Variants in QRFPR observed in about 807,000 individuals in gnomAD.
QRFPR encodes the protein pyroglutamylated RF-amide peptide receptor.
Under a neutral mutation model 31.3 loss-of-function variants are expected in QRFPR, and 37 were observed. That is an observed-to-expected ratio of 1.18 (90% CI 0.91 to 1.56). QRFPR has a LOEUF of 1.56. Ranked by LOEUF, QRFPR falls within the 40% of genes most tolerant of loss-of-function variation. The pLI is 0.00. For missense variants in QRFPR, 542 were observed against 532.5 expected (o/e 1.02, Z -0.18); for synonymous variants, 197 against 192.0 (o/e 1.03, Z -0.22).
intron 1 of QRFPR, among the ~76,000 whole-genome samples, chr4:121,377,357 G>GA (rs1197050030): frequency 1.3e-5 from 2 of 151,820 alleles, no homozygotes; most frequent in African/African-American, 4.8e-5. Context: ...CCTCACCCCT[G>GA]AAGGAATTTG....
At chr4:121,347,980 G>A (rs75582295) in intron 1 of QRFPR, among the ~76,000 whole-genome samples, 17,619 of 151,956 alleles carry the variant, frequency 0.12, 1,281 homozygotes, top group Middle Eastern at 0.23. Context: ...TTTTTATATG[G>A]ATATAACTTT....
At chr4:121,349,880 A>G (rs994608141) in intron 1 of QRFPR, among the ~76,000 whole-genome samples, 1 of 152,192 alleles carries the variant, frequency 6.6e-6, no homozygotes, top group Non-Finnish European at 1.5e-5. Flanking sequence ...TTTCTCCAAT[A>G]AGGCATAGCA....
At chr4:121,336,283 T>C (rs1725435146) in intron 3 of QRFPR, among the ~76,000 whole-genome samples, 1 of 152,110 alleles carries the variant, frequency 6.6e-6, no homozygotes, top group Non-Finnish European at 1.5e-5. Context: ...GCCCCACACA[T>C]GGCTGGGCCT....
chr4:121,379,642 G>A (rs1248312796), intron 1 of QRFPR, among the ~76,000 whole-genome samples: 1 of 152,172 alleles, frequency 6.6e-6, no homozygotes. Flanking sequence ...TATACGGAAG[G>A]AGGAGAATGT....
chr4:121,349,310 G>A (rs1560738080), intron 1 of QRFPR, among the ~76,000 whole-genome samples: 1 of 151,488 alleles, frequency 6.6e-6, no homozygotes, highest in Non-Finnish European at 1.5e-5. Flanking sequence ...GTTTTAATTT[G>A]TTCCTTTAAA....
chr4:121,330,443 TG>T lies in QRFPR; in HGVS notation c.877del (p.His293IlefsTer2). ...GCACTCACTGTATTCAATCATCATA[TG>T]GACAACATGGAATGGTGCCCAGCAC... ...AVCWAPFHVV[H>X]MMIEYSNFEK... On this transcript the variant is annotated frameshift_variant, in exon 5 of 6. Transcript: ENST00000394427. LOFTEE classifies it low-confidence loss of function (END_TRUNC). 1 of 1,611,436 alleles carries T rather than the reference TG, an allele frequency of 6.2e-7. No homozygotes were observed. Among genetic ancestry groups the T allele is most frequent in the Non-Finnish European group, 8.5e-7 (1 of 1,177,652 alleles).
At chr4:121,340,335 A>C in intron 2 of QRFPR, 117 bp downstream of exon 2, 1 of 1,124,850 alleles carries the variant, frequency 8.9e-7, no homozygotes, top group South Asian at 1.4e-5. Flanking sequence ...CTCTCAAATT[A>C]TATTCCAATG....
At chr4:121,362,882 A>G (rs1726018925) in intron 1 of QRFPR, among the ~76,000 whole-genome samples, 1 of 150,414 alleles carries the variant, frequency 6.6e-6, no homozygotes, top group Admixed American at 6.6e-5. Context: ...TGAAATACCC[A>G]TTATTGTTAT....
intron 2 of QRFPR, among the ~76,000 whole-genome samples, chr4:121,338,196 C>T (rs904286001): frequency 6.6e-6 from 1 of 152,158 alleles, no homozygotes. Context: ...CTCCCTATTA[C>T]CATACACATC....
At chr4:121,337,763 C>T (rs1725462151) in intron 2 of QRFPR, among the ~76,000 whole-genome samples, 1 of 151,780 alleles carries the variant, frequency 6.6e-6, no homozygotes. Flanking sequence ...CTTCAGAAAC[C>T]AAAATGCTCT....
intron 1 of QRFPR, among the ~76,000 whole-genome samples, chr4:121,373,662 G>A (rs1726296818): frequency 6.6e-6 from 1 of 152,122 alleles, no homozygotes; most frequent in Admixed American, 6.5e-5. Flanking sequence ...TGTAACTGAT[G>A]TTTTCTAGTC....
At chr4:121,369,450 G>T in intron 1 of QRFPR, 1 of 961,230 alleles carries the variant, frequency 1.0e-6, no homozygotes, top group Non-Finnish European at 1.6e-6. Context: ...GTGGGTGTGA[G>T]CACATTCAAG....
At chr4:121,343,124 GA>G (rs1422274784) in intron 1 of QRFPR, among the ~76,000 whole-genome samples, 4 of 152,224 alleles carry the variant, frequency 2.6e-5, no homozygotes, top group African/African-American at 7.2e-5. Context: ...GGCCAAGGCA[GA>G]AACTGTGGGA....
At chr4:121,363,560 G>T (rs1726030314) in intron 1 of QRFPR, among the ~76,000 whole-genome samples, 1 of 149,766 alleles carries the variant, frequency 6.7e-6, no homozygotes, top group Admixed American at 6.6e-5. Flanking sequence ...AGGCCAACAA[G>T]GTTCCTTCTT....
At chr4:121,363,031 T>C (rs1330143015) in intron 1 of QRFPR, among the ~76,000 whole-genome samples, 1 of 150,292 alleles carries the variant, frequency 6.7e-6, no homozygotes, top group Non-Finnish European at 1.5e-5. Flanking sequence ...CAGAGATTTC[T>C]TAAAGAAGGA....
chr4:121,347,576 C>T (rs971480949), intron 1 of QRFPR, among the ~76,000 whole-genome samples: 12 of 152,236 alleles, frequency 7.9e-5, no homozygotes, highest in Non-Finnish European at 1.5e-4. Flanking sequence ...TACTTTGACG[C>T]TTAAAGTAAT....
chr4:121,344,841 A>T (rs553305332), intron 1 of QRFPR, among the ~76,000 whole-genome samples: 1 of 151,986 alleles, frequency 6.6e-6, no homozygotes, highest in Non-Finnish European at 1.5e-5. Context: ...ATCTTTCCCA[A>T]TGTGAATTGT....
chr4:121,365,518 TATATATATTATATATA>T (rs1560743464), intron 1 of QRFPR, among the ~76,000 whole-genome samples: 16 of 3,168 alleles, frequency 5.1e-3, no homozygotes, highest in African/African-American at 0.034. Context: ...TAATATATAT[TATATATATTATATATA>T]ATATATATTA....
At chr4:121,339,161 G>A (rs1001410925) in intron 2 of QRFPR, among the ~76,000 whole-genome samples, 9 of 152,158 alleles carry the variant, frequency 5.9e-5, no homozygotes, top group African/African-American at 2.2e-4. Flanking sequence ...CCCAATACTG[G>A]CTAAATTCTT....
Sources: allele counts gnomAD v4.1 joint callset (sites outside exome capture counted in the v4.1 genomes callset), GRCh38; gene constraint gnomAD v4.1.1; transcripts MANE v1.5; gene names NCBI Gene and HGNC (gene_info 2026-07-23, HGNC 2026-07-21).